Variants in AGBL1 observed in about 807,000 individuals in gnomAD.
AGBL1 encodes cytosolic carboxypeptidase 4.
In AGBL1, 130 loss-of-function variants were observed where a neutral mutation model predicts 118.9. The observed-to-expected ratio is 1.09, with a 90% CI of 0.95 to 1.26. The LOEUF (loss-of-function observed/expected upper bound fraction) is 1.26, where lower values mean the gene tolerates loss of function less well. Ranked by LOEUF, AGBL1 falls within the 50% of genes most tolerant of loss-of-function variation. AGBL1 has a pLI of 0.00. For synonymous variants in AGBL1, 555 were observed against 478.9 expected (o/e 1.16, Z -2.08); for missense variants, 1,584 against 1,298.1 (o/e 1.22, Z -3.38).
At chr15:86,789,318 G>A (rs754496790) in intron 22 of AGBL1, among the ~76,000 whole-genome samples, 1 of 152,158 alleles carries the variant, frequency 6.6e-6, no homozygotes, top group African/African-American at 2.4e-5. Context: ...ATGCAGACTC[G>A]GATTATCAAT....
chr15:86,323,160 G>C (rs2080131254), intron 17 of AGBL1, among the ~76,000 whole-genome samples: 1 of 91,192 alleles, frequency 1.1e-5, no homozygotes, highest in Non-Finnish European at 2.3e-5. Flanking sequence ...CCAGCATAGT[G>C]ATTTTTTTTT....
intron 18 of AGBL1, among the ~76,000 whole-genome samples, chr15:86,494,579 C>G (rs953939635): frequency 5.3e-5 from 8 of 152,098 alleles, no homozygotes; most frequent in African/African-American, 1.9e-4. Flanking sequence ...TCTTGACAGT[C>G]TCTTCAGACC....
At chr15:86,683,633 C>T (rs1454015290) in intron 22 of AGBL1, among the ~76,000 whole-genome samples, 1 of 152,150 alleles carries the variant, frequency 6.6e-6, no homozygotes, top group African/African-American at 2.4e-5. Flanking sequence ...AACGGCAGGT[C>T]TCTTGCCTAT....
Position 86,155,472 on chromosome 15 carries a change from G to A in AGBL1, c.394+911G>A, listed in dbSNP as rs369678004. Among the ~76,000 whole-genome samples the A allele has an allele frequency of 1.6e-3, 245 of 152,050 alleles. 3 individuals carry two copies. The South Asian group carries it at 0.045, about 28-fold the overall frequency. ...CTTAAAAAAATAAAAAAAGTGAAGC[G>A]ATTGCTTGAATTCATACAGATAAAA... On this transcript the variant is annotated intron_variant, in intron 4 of 22. Transcript: ENST00000614907.
intron 22 of AGBL1, among the ~76,000 whole-genome samples, chr15:86,785,464 T>C (rs565141352): frequency 1.8e-3 from 260 of 145,722 alleles, no homozygotes; most frequent in South Asian, 9.4e-3. Flanking sequence ...AACCTCCACC[T>C]CCCAGGTTCA....
At chr15:86,457,742 A>T (rs749538241) in intron 18 of AGBL1, among the ~76,000 whole-genome samples, 1 of 152,226 alleles carries the variant, frequency 6.6e-6, no homozygotes, top group Non-Finnish European at 1.5e-5. Context: ...AAAGGATGTC[A>T]AGGGATTATA....
At chr15:86,700,542 CAAG>C (rs1250063942) in intron 22 of AGBL1, among the ~76,000 whole-genome samples, 2 of 151,356 alleles carry the variant, frequency 1.3e-5, no homozygotes, top group South Asian at 2.1e-4. Flanking sequence ...TTTCTCTTGA[CAAG>C]AAGTAGTTTA....
At chr15:86,423,584 A>G (rs1351241634) in intron 18 of AGBL1, among the ~76,000 whole-genome samples, 1 of 152,206 alleles carries the variant, frequency 6.6e-6, no homozygotes, top group Non-Finnish European at 1.5e-5. Context: ...ATAGGAAGAG[A>G]GGAAGTCAAA....
At chr15:86,325,206 CA>C (rs748919415) in intron 17 of AGBL1, among the ~76,000 whole-genome samples, 43 of 151,698 alleles carry the variant, frequency 2.8e-4, no homozygotes, top group Non-Finnish European at 5.0e-4. Flanking sequence ...ATAGTGTGGA[CA>C]AAAAATAATG....
chr15:86,778,053 GAA>G lies in AGBL1; in HGVS notation c.3158+103619_3158+103620del, dbSNP rs755290508. On this transcript the variant is annotated intron_variant, in intron 22 of 22. Coordinates refer to ENST00000614907, the MANE Select transcript of AGBL1 (RefSeq NM_001386094.1). ...ATAAAAGGACAGAGTACAAAAGAGA[GAA>G]ATTTTAAAGCTGGGTGTCCAGGGGA... 7.2e-5 allele frequency among the ~76,000 whole-genome samples: 11 copies of G among 152,252 alleles called. No individual in the cohort carries two copies. In the South Asian group the frequency reaches 1.0e-3, roughly 14 times the overall value.
intron 21 of AGBL1, among the ~76,000 whole-genome samples, chr15:86,606,796 T>C (rs1049179862): frequency 6.6e-6 from 1 of 152,228 alleles, no homozygotes. Flanking sequence ...TTTGTAACAA[T>C]GGATAAGCCA....
At chr15:86,151,113 T>TGGACACA (rs1239169981) in intron 3 of AGBL1, among the ~76,000 whole-genome samples, 1 of 135,526 alleles carries the variant, frequency 7.4e-6, no homozygotes, top group Non-Finnish European at 1.5e-5. Context: ...TGAGAACACA[T>TGGACACA]GGACACAGGA....
At chr15:86,751,553 C>G (rs2077852103) in intron 22 of AGBL1, among the ~76,000 whole-genome samples, 1 of 152,062 alleles carries the variant, frequency 6.6e-6, no homozygotes, top group African/African-American at 2.4e-5. Flanking sequence ...TAAGGAGCTT[C>G]TGCACAGAAA....
chr15:86,268,952 A>T (rs1430831559), intron 13 of AGBL1, among the ~76,000 whole-genome samples: 1 of 152,258 alleles, frequency 6.6e-6, no homozygotes, highest in Non-Finnish European at 1.5e-5. Flanking sequence ...TACCAAGAGG[A>T]TGGAGCAACA....
At chr15:86,331,236 A>C (rs1009985871) in intron 17 of AGBL1, among the ~76,000 whole-genome samples, 6 of 151,820 alleles carry the variant, frequency 4.0e-5, no homozygotes, top group African/African-American at 1.2e-4. Flanking sequence ...AAAAAAAAAA[A>C]AAAAAACAAA....
intron 5 of AGBL1, among the ~76,000 whole-genome samples, chr15:86,194,005 T>A (rs76069379): frequency 0.027 from 4,098 of 152,292 alleles, 76 homozygotes; most frequent in East Asian, 0.073. Context: ...AGAATCTTTG[T>A]AGAGTCATAC....
At chr15:86,887,236 C>T (rs550893154) in intron 22 of AGBL1, among the ~76,000 whole-genome samples, 22 of 152,146 alleles carry the variant, frequency 1.4e-4, no homozygotes, top group Non-Finnish European at 3.1e-4. Context: ...TCCATCTATG[C>T]ATATATCTAT....
intron 22 of AGBL1, among the ~76,000 whole-genome samples, chr15:86,880,621 C>G (rs894443365): frequency 6.6e-6 from 1 of 152,006 alleles, no homozygotes; most frequent in Non-Finnish European, 1.5e-5. Flanking sequence ...TGTGCACATG[C>G]AGATGTGAAT....
In AGBL1 at chr15:86,253,937, A is replaced by G. The variant is rs1424747689; in HGVS notation, c.736-2916A>G. On this transcript the variant is annotated intron_variant, in intron 7 of 22. Coordinates refer to ENST00000614907, the MANE Select transcript of AGBL1 (RefSeq NM_001386094.1). ...AAGGACCATTCTGGCTGCCATTTGG[A>G]AAAGAGATTATCAGAGGGCACAAGG... Among the ~76,000 whole-genome samples the G allele has an allele frequency of 3.3e-5, 5 of 152,282 alleles. No homozygotes were observed. The South Asian group carries it at 8.3e-4, about 25-fold the overall frequency.
Sources: gnomAD v4.1 joint callset for allele counts (sites outside exome capture counted in the v4.1 genomes callset) on GRCh38, gnomAD v4.1.1 for gene constraint, MANE v1.5 for transcripts, NCBI Gene and HGNC (gene_info 2026-07-23, HGNC 2026-07-21) for gene names.